The following VILL variants were observed in gnomAD, a reference collection of about 807,000 sequenced individuals.
VILL encodes villin-like protein.
VILL carries 102 observed loss-of-function variants against 106.3 expected under a neutral mutation model. The ratio of observed to expected loss-of-function variants is 0.96; its 90% CI spans 0.82 to 1.13. The LOEUF is 1.13. Among genes scored for constraint, VILL ranks in the 50% most tolerant of loss-of-function variants. VILL has a pLI of 0.00. For synonymous variants in VILL, 431 were observed against 440.3 expected, an observed-to-expected ratio of 0.98 and a Z score of 0.27; for missense variants, 1,076 against 1,116.6, an observed-to-expected ratio of 0.96 and a Z score of 0.52.
At chr3:38,006,125 ATTGGTGCCC>A in intron 17 of VILL, 47 bp from the exon 18 acceptor site, 2 of 1,612,640 alleles carry the variant, frequency 1.2e-6, no homozygotes, top group African/African-American at 2.7e-5. Flanking sequence ...CATGTGTCCC[ATTGGTGCCC>A]CCTTCTCCTG....
chr3:38,005,775 T>G lies in VILL; in HGVS notation c.1951-17T>G, dbSNP rs1388867857. 6.3e-7 allele frequency: 1 copy of G among 1,597,834 alleles called. No homozygotes were observed. The highest frequency in any genetic ancestry group is 2.2e-5 in the East Asian group (1 of 44,758). On this transcript the variant is annotated splice_polypyrimidine_tract_variant and intron_variant, in intron 16 of 19. Coordinates refer to ENST00000383759, the MANE Select transcript of VILL (RefSeq NM_015873.4). ...GCCCCTCCACCTGCCCAAGGCCAGG[T>G]CCCCTCTGTGGCTCAGATCTTCCTG...
rs567514889 is a variant in VILL at position 37,990,908 on chromosome 3, A to T, written c.-87+79A>T. The stretch of plus-strand genomic sequence containing the variant: ...AGAGTGGGCTATTCAAGTCAAGGGC[A>T]TAGAGCATAGGGTCCCAGGGCTCAG... On this transcript the variant is annotated intron_variant, in intron 1 of 19. Transcript: ENST00000383759. This position sits in a 1 kb window ranked among gnomAD's most constrained non-coding sequence, Gnocchi z 5.1. 6.6e-6 allele frequency: 1 copy of T among 152,568 alleles called. No individual in the cohort carries two copies. Among genetic ancestry groups the T allele is most frequent in the South Asian group, 2.1e-4 (1 of 4,844 alleles). The allele number at this position is 152,568 out of a possible 1,614,324, so 9.5% of individuals were successfully genotyped here.
chr3:37,990,965 G>T lies in VILL; in HGVS notation c.-87+136G>T, dbSNP rs963369956. 2 of 152,414 alleles carry T rather than the reference G, an allele frequency of 1.3e-5. No homozygotes were observed. The highest frequency in any genetic ancestry group is 4.8e-5 in the African/African-American group (2 of 41,446). The allele number at this position is 152,414 out of a possible 1,614,324, so 9.4% of individuals were successfully genotyped here. A position where few individuals can be genotyped will look rare whatever the true frequency, so the allele number is the denominator to read the frequency against. On this transcript the variant is annotated intron_variant, in intron 1 of 19. Transcript: ENST00000383759. The surrounding 1 kb of genome is among the most constrained non-coding windows in gnomAD (Gnocchi z 5.1). The stretch of plus-strand genomic sequence containing the variant: ...AGAGCCTCCGCGGCAGAATTGGGAG[G>T]CGGCAGCAGCCCAGCAGGTGAAAAC...
At chr3:38,002,040 C>T in intron 13 of VILL, 180 bp downstream of exon 13, 1 of 973,592 alleles carries the variant, frequency 1.0e-6, no homozygotes, top group South Asian at 1.6e-5. Context: ...AGTTTCCCTC[C>T]CCAGTCCCAG....
At chr3:37,992,070 G>A (rs1699618707) in intron 1 of VILL, among the ~76,000 whole-genome samples, 1 of 152,090 alleles carries the variant, frequency 6.6e-6, no homozygotes, top group Admixed American at 6.5e-5. Context: ...CAACTTTTTG[G>A]CTGCCAGTTT....
chr3:38,001,746 C>T lies in VILL; in HGVS notation c.1365C>T (p.Asn455=), dbSNP rs558176440. The T allele has an allele frequency of 9.9e-6, 16 of 1,614,232 alleles. No homozygotes were observed. Among genetic ancestry groups the T allele is most frequent in the Middle Eastern group, 1.6e-4 (1 of 6,062 alleles). The change falls in exon 13 of 20, where the codon AAC becomes AAT. Residue 455 remains asparagine (N), a synonymous_variant. Transcript: ENST00000383759. ...ATGAGATTGAGGCCCTGAACAGCAACGCTGAGGAACTAGATGTCATGTATG... is the reference window on the plus strand; with the variant it reads ...ATGAGATTGAGGCCCTGAACAGCAATGCTGAGGAACTAGATGTCATGTATG... The part of the protein sequence containing the change: ...TADEIEALNS[N]AEELDVMYGG...
chr3:37,993,978 T>G lies in VILL; in HGVS notation c.135+6T>G. The G allele has an allele frequency of 6.2e-7, 1 of 1,613,964 alleles. No homozygotes were observed. The highest frequency in any genetic ancestry group is 8.5e-7 in the Non-Finnish European group (1 of 1,179,968). On this transcript the variant is annotated splice_donor_region_variant and intron_variant, in intron 3 of 19. Coordinates refer to ENST00000383759, the MANE Select transcript of VILL (RefSeq NM_015873.4). Reference sequence around the variant, plus strand: ...ACTGCTATGTCATCCTCCACGTGAGTCGCTTGGGGAAGTCTGCCTGAGAGG... The same window carrying G: ...ACTGCTATGTCATCCTCCACGTGAGGCGCTTGGGGAAGTCTGCCTGAGAGG...
At position 37,997,793 on chromosome 3, in the gene VILL, T is replaced by C. The variant is rs1044332440; in HGVS notation, c.764+108T>C. The C allele has an allele frequency of 1.6e-6, 2 of 1,262,962 alleles. No homozygotes were observed. The highest frequency in any genetic ancestry group is 2.2e-6 in the Non-Finnish European group (2 of 920,670). 78.2% of individuals were successfully genotyped at this position (1,262,962 alleles called of 1,614,324 possible). ...TAGAAGGCCCTCCAGCAAAGGCTGC[T>C]GGGTTTCTGGGACAGGTCATGTGGA... is the stretch of plus-strand genomic sequence containing the variant. On this transcript the variant is annotated intron_variant, in intron 7 of 19. Coordinates refer to ENST00000383759, the MANE Select transcript of VILL (RefSeq NM_015873.4). This position sits in a 1 kb window ranked among gnomAD's most constrained non-coding sequence, Gnocchi z 4.7.
rs910638118 is a variant in VILL at position 38,003,287 on chromosome 3, C to A, written c.1779C>A (p.Gly593=). Residue 593 remains glycine (G), a synonymous_variant, in exon 15 of 20, where the codon GGC becomes GGA. Transcript: ENST00000383759. ...CCCACTTCTGGGAGGCCCTGGGAGG[C>A]CGGGCCCCCTACCCCAGCAACAAGA... is the stretch of plus-strand genomic sequence containing the variant. The part of the protein sequence containing the change: ...EPPHFWEALG[G]RAPYPSNKRL... 5.1e-5 allele frequency: 82 copies of A among 1,612,058 alleles called. No homozygotes were observed. Among genetic ancestry groups the A allele is most frequent in the Non-Finnish European group, 6.8e-5 (80 of 1,179,384 alleles).
In VILL at chr3:37,997,133, C is replaced by A. The variant is rs1699717136; in HGVS notation, c.507C>A (p.Gly169=). The part of the protein sequence containing the change: ...NKGDIFLLDL[G]KMMIQWNGPK... ...GTGACATCTTCCTGCTGGACCTAGG[C>A]AAGATGATGATTCAGTGGAATGGGC... The change falls in exon 6 of 20, where the codon GGC becomes GGA. Residue 169 remains glycine (G), a synonymous_variant. Coordinates refer to ENST00000383759, the MANE Select transcript of VILL (RefSeq NM_015873.4). This position sits in a 1 kb window ranked among gnomAD's most constrained non-coding sequence, Gnocchi z 4.7. 1 of 1,613,988 alleles carries A rather than the reference C, an allele frequency of 6.2e-7. No individual in the cohort carries two copies. Among genetic ancestry groups the A allele is most frequent in the Admixed American group, 1.7e-5 (1 of 59,998 alleles).
chr3:38,002,892 A>G, intron 14 of VILL: 1 of 529,906 alleles, frequency 1.9e-6, no homozygotes, highest in East Asian at 3.2e-5. Flanking sequence ...AGTTTTCTCT[A>G]ATATTCAGCA....
rs749411772 is a variant in VILL, at chr3:37,994,484, C to T, written c.341+18C>T. 6.2e-7 allele frequency: 1 copy of T among 1,609,928 alleles called. No homozygotes were observed. ...GGAATCATGTGAGTGCGGGGGCGAC[C>T]GGGGCAGGAGGGAGCCGTGGAGGCG... On this transcript the variant is annotated intron_variant, in intron 4 of 19. Transcript: ENST00000383759.
Position 37,997,987 on chromosome 3 carries a change from C to G in VILL, c.765-103C>G. 8.2e-7 allele frequency: 1 copy of G among 1,225,308 alleles called. No individual in the cohort carries two copies. The highest frequency in any genetic ancestry group is 1.5e-5 in the South Asian group (1 of 68,310). 75.9% of individuals were successfully genotyped at this position (1,225,308 alleles called of 1,614,324 possible). A position where few individuals can be genotyped will look rare whatever the true frequency, so the allele number is the denominator to read the frequency against. On this transcript the variant is annotated intron_variant, in intron 7 of 19. Coordinates refer to ENST00000383759, the MANE Select transcript of VILL (RefSeq NM_015873.4). The surrounding 1 kb of genome is among the most constrained non-coding windows in gnomAD (Gnocchi z 4.7). ...ACAACTCGGGGCCCCAGCCCCCATG[C>G]CTTCTGTCTCTGAGGGACTGGGGTG...
intron 18 of VILL, 92 bp downstream of exon 18, chr3:38,006,344 T>A: frequency 6.2e-7 from 1 of 1,604,436 alleles, no homozygotes; most frequent in Non-Finnish European, 8.5e-7. Flanking sequence ...CCCTTGTAAG[T>A]GGGAGGGGCT....
chr3:37,989,553 A>G (rs535098919), upstream of VILL, among the ~76,000 whole-genome samples: 5 of 152,320 alleles, frequency 3.3e-5, no homozygotes, highest in South Asian at 8.3e-4. Flanking sequence ...GACTTAGGAA[A>G]GAGCCATTGC....
At chr3:38,005,307 C>T (rs1370481197) in intron 16 of VILL, among the ~76,000 whole-genome samples, 1 of 152,194 alleles carries the variant, frequency 6.6e-6, no homozygotes, top group African/African-American at 2.4e-5. Flanking sequence ...GCTGCAGCCA[C>T]AATGGCCTCT....
chr3:38,006,000 C>A, intron 17 of VILL, 26 bp downstream of exon 17: 1 of 1,599,550 alleles, frequency 6.3e-7, no homozygotes. Context: ...AACCCCCAGC[C>A]CTACCCTAAT....
intron 10 of VILL, 56 bp from the exon 11 acceptor site, chr3:37,999,283 A>C (rs1575336815): frequency 4.1e-6 from 4 of 975,436 alleles, no homozygotes; most frequent in Admixed American, 4.4e-5. Context: ...GGCGGGGCGG[A>C]GATGGTGTTG....
At chr3:38,001,165 A>C in intron 11 of VILL, 1 of 546,834 alleles carries the variant, frequency 1.8e-6, no homozygotes, top group Non-Finnish European at 3.3e-6. Flanking sequence ...ACTGCCCCTA[A>C]CCAGGGTTGT....
Sources: allele counts gnomAD v4.1 joint callset (sites outside exome capture counted in the v4.1 genomes callset), GRCh38; gene constraint gnomAD v4.1.1; non-coding constraint Gnocchi (gnomAD v3.1); transcripts MANE v1.5; gene names NCBI Gene and HGNC (gene_info 2026-07-23, HGNC 2026-07-21).